Variants in RAB19 observed in about 807,000 individuals in gnomAD.
The protein encoded by RAB19 is ras-related protein Rab-19.
In RAB19, 21 loss-of-function variants were observed where a neutral mutation model predicts 17.3. The ratio of observed to expected loss-of-function variants is 1.21; its 90% CI spans 0.86 to 1.74. The LOEUF (loss-of-function observed/expected upper bound fraction) is 1.74, where lower values mean the gene tolerates loss of function less well. RAB19 is among the 40% of genes most tolerant of loss of function. The pLI is 0.00. For synonymous variants in RAB19, 126 were observed against 110.4 expected (o/e 1.14, Z -0.88); for missense variants, 277 against 286.8 (o/e 0.97, Z 0.25).
intron 3 of RAB19, among the ~76,000 whole-genome samples, chr7:140,424,586 CCTCTCTCTCTCTCTCT>C (rs376517516): frequency 0.039 from 5,011 of 127,580 alleles, 111 homozygotes; most frequent in East Asian, 0.068. Context: ...TGGACCTCTC[CCTCTCTCTCTCTCTCT>C]CTCTCTCTCT....
At chr7:140,425,747 AT>A in intron 3 of RAB19, 134 bp from the exon 4 acceptor site, 1 of 927,996 alleles carries the variant, frequency 1.1e-6, no homozygotes, top group Non-Finnish European at 1.6e-6. Flanking sequence ...AAACAAAAAA[AT>A]GTGCCCTCAA....
chr7:140,409,818 C>T (rs1401269674), intron 2 of RAB19, among the ~76,000 whole-genome samples: 1 of 151,620 alleles, frequency 6.6e-6, no homozygotes, highest in Non-Finnish European at 1.5e-5. Flanking sequence ...ACGGTGAAAC[C>T]CCGTCTCTAC....
At chr7:140,407,087 G>A (rs888736490) in intron 1 of RAB19, among the ~76,000 whole-genome samples, 1 of 152,132 alleles carries the variant, frequency 6.6e-6, no homozygotes, top group African/African-American at 2.4e-5. Flanking sequence ...GTTTCTCCAC[G>A]TTGGTCAGGC....
At chr7:140,407,877 C>CA in intron 2 of RAB19, 30 bp downstream of exon 2, 3 of 1,020,256 alleles carry the variant, frequency 2.9e-6, no homozygotes, top group Non-Finnish European at 2.8e-6. Flanking sequence ...GGACTGGTTC[C>CA]ACCTTTTTTT....
chr7:140,410,507 T>G (rs1021402671), intron 2 of RAB19, among the ~76,000 whole-genome samples: 13 of 152,052 alleles, frequency 8.5e-5, no homozygotes, highest in African/African-American at 3.1e-4. Context: ...TTTGTATTTT[T>G]AGTAGAGACG....
At chr7:140,422,946 A>G (rs1211165669) in intron 3 of RAB19, among the ~76,000 whole-genome samples, 2 of 152,060 alleles carry the variant, frequency 1.3e-5, no homozygotes, top group East Asian at 1.9e-4. Flanking sequence ...TGTCTCTACT[A>G]AAAATACAAA....
chr7:140,424,663 GTATATA>G (rs36042630), intron 3 of RAB19, among the ~76,000 whole-genome samples: 3 of 117,736 alleles, frequency 2.5e-5, no homozygotes, highest in East Asian at 2.3e-4. Context: ...ATATGTGTGT[GTATATA>G]TATATATATA....
intron 1 of RAB19, 81 bp from the exon 2 acceptor site, chr7:140,407,543 T>G: frequency 1.0e-6 from 1 of 969,870 alleles, no homozygotes. Context: ...GATGTAGCAC[T>G]GTGAAGGTAA....
chr7:140,407,886 T>A, intron 2 of RAB19, 39 bp downstream of exon 2: 8 of 721,706 alleles, frequency 1.1e-5, no homozygotes, highest in Non-Finnish European at 1.6e-5. Flanking sequence ...CCACCTTTTT[T>A]TTTTTTTTTT....
At chr7:140,418,849 A>T (rs1585428121) in intron 3 of RAB19, among the ~76,000 whole-genome samples, 2 of 109,390 alleles carry the variant, frequency 1.8e-5, no homozygotes, top group Admixed American at 1.1e-4. Flanking sequence ...ACACAGTGAA[A>T]CCCTGTCTCA....
chr7:140,409,720 G>A (rs1163154504), intron 2 of RAB19, among the ~76,000 whole-genome samples: 1 of 150,182 alleles, frequency 6.7e-6, no homozygotes, highest in Non-Finnish European at 1.5e-5. Flanking sequence ...TAGGCTGGGC[G>A]TGGTGGCTCA....
At position 140,407,835 on chromosome 7, in the gene RAB19, C is replaced by T. The variant is rs757194817; in HGVS notation, c.189C>T (p.Gly63=). Residue 63 remains glycine (G), a synonymous_variant, in exon 2 of 4, where the codon GGC becomes GGT. Transcript: ENST00000537763. ...DFTVRSLDID[G]KKVKMQVWDT... ...CCGTGCGTTCCCTTGATATTGACGG[C>T]AAAAAAGTGAAGGTCAGAGGGCACC... The T allele has an allele frequency of 5.0e-6, 8 of 1,600,286 alleles. No homozygotes were observed. Among genetic ancestry groups the T allele is most frequent in the Non-Finnish European group, 6.8e-6 (8 of 1,173,638 alleles).
intron 3 of RAB19, among the ~76,000 whole-genome samples, chr7:140,424,243 T>C (rs1799612343): frequency 6.7e-6 from 1 of 150,278 alleles, no homozygotes; most frequent in African/African-American, 2.5e-5. Context: ...CTGCAACCTC[T>C]GCCTCCTGGG....
At chr7:140,416,565 A>G (rs1016608564) in intron 3 of RAB19, among the ~76,000 whole-genome samples, 4 of 152,090 alleles carry the variant, frequency 2.6e-5, no homozygotes, top group African/African-American at 7.2e-5. Context: ...TTGTCTGGCC[A>G]TTTAATGTTC....
At chr7:140,409,071 A>G (rs919095287) in intron 2 of RAB19, among the ~76,000 whole-genome samples, 10 of 152,158 alleles carry the variant, frequency 6.6e-5, no homozygotes, top group East Asian at 1.9e-4. Flanking sequence ...TAAAAGGTCA[A>G]ATTTTCTAGT....
At chr7:140,424,601 CTCTCTCTCTCTCTCTCTCTA>C (rs1280338755) in intron 3 of RAB19, among the ~76,000 whole-genome samples, 1 of 101,296 alleles carries the variant, frequency 9.9e-6, no homozygotes, top group Non-Finnish European at 2.1e-5. Context: ...CTCTCTCTCT[CTCTCTCTCTCTCTCTCTCTA>C]TATATATATA....
chr7:140,426,917 C>T lies in RAB19; in HGVS notation c.*767C>T, dbSNP rs1056314868. Among the ~76,000 whole-genome samples, 4 of 148,818 alleles carry T rather than the reference C, an allele frequency of 2.7e-5. No homozygotes were observed. The highest frequency in any genetic ancestry group is 1.3e-4 in the Admixed American group (2 of 14,826). On this transcript the variant is annotated 3_prime_UTR_variant, in exon 4 of 4. Transcript: ENST00000537763. ...AGTATAGTGGTGGGATCTTGGCTCA[C>T]TGCAACCTCTACCTCCTGGGTTCAA...
At chr7:140,412,461 A>C (rs555750119) in intron 3 of RAB19, among the ~76,000 whole-genome samples, 1 of 151,972 alleles carries the variant, frequency 6.6e-6, no homozygotes, top group Non-Finnish European at 1.5e-5. Context: ...GGGGGAAAAA[A>C]AATGTGTAAG....
At position 140,426,264 on chromosome 7, in the gene RAB19, C is replaced by A; in HGVS notation, c.*114C>A. 2.4e-6 allele frequency: 3 copies of A among 1,246,082 alleles called. No individual in the cohort carries two copies. The highest frequency in any genetic ancestry group is 2.2e-6 in the Non-Finnish European group (2 of 912,362). 77.2% of individuals were successfully genotyped at this position (1,246,082 alleles called of 1,614,324 possible). Reference sequence around the variant, plus strand: ...TTTAGACCCCAGCGTGGACTTGCCGCTCACCCCTAATCCTCCCAGTCTGGA... The same window carrying A: ...TTTAGACCCCAGCGTGGACTTGCCGATCACCCCTAATCCTCCCAGTCTGGA... On this transcript the variant is annotated 3_prime_UTR_variant, in exon 4 of 4. Transcript: ENST00000537763.
Sources: gnomAD v4.1 joint callset for allele counts (sites outside exome capture counted in the v4.1 genomes callset) on GRCh38, gnomAD v4.1.1 for gene constraint, MANE v1.5 for transcripts, NCBI Gene and HGNC (gene_info 2026-07-23, HGNC 2026-07-21) for gene names.